ARHGEF40: variants seen among roughly 807,000 people sequenced by gnomAD.
ARHGEF40 encodes the protein Rho guanine nucleotide exchange factor 40.
ARHGEF40 carries 98 observed loss-of-function variants against 165.9 expected under a neutral mutation model. The observed-to-expected ratio is 0.59, with a 90% CI of 0.50 to 0.70. The LOEUF (loss-of-function observed/expected upper bound fraction) is 0.70, where lower values mean the gene tolerates loss of function less well. Among genes scored for constraint, ARHGEF40 ranks in the 30% least tolerant of loss-of-function variants. The probability of loss-of-function intolerance (pLI) is 0.00; values close to 1 mark genes in which losing one functional copy is unlikely to be tolerated. For missense variants in ARHGEF40, 1,815 were observed against 1,968.0 expected, an observed-to-expected ratio of 0.92 and a Z score of 1.47; for synonymous variants, 792 against 814.3, an observed-to-expected ratio of 0.97 and a Z score of 0.47.
chr14:21,075,060 G>T lies in ARHGEF40; in HGVS notation c.1330G>T (p.Glu444Ter). ...TGAAGGCTCAGGGAAGCCAGAATCT[G>T]AGCCAAAAGAGCTCAAAACAGCAGG... ...EYEGSGKPES[E>*]PKELKTAGEK... Residue 444 changes from glutamate to a stop codon, truncating the protein, a stop_gained, in exon 3 of 24, where the codon GAG becomes TAG. Transcript: ENST00000298694. LOFTEE classifies it high-confidence loss of function. This position sits in a 1 kb window ranked among gnomAD's most constrained non-coding sequence, Gnocchi z 4.5. 1 of 1,614,114 alleles carries T rather than the reference G, an allele frequency of 6.2e-7. No homozygotes were observed. Among genetic ancestry groups the T allele is most frequent in the African/African-American group, 1.3e-5 (1 of 75,060 alleles).
chr14:21,076,292 C>G, intron 5 of ARHGEF40, 68 bp from the exon 6 acceptor site: 1 of 1,307,560 alleles, frequency 7.6e-7, no homozygotes, highest in East Asian at 2.4e-5. Context: ...CGTATGTCTG[C>G]CTTGCCTTAT....
At chr14:21,082,167 G>T in intron 14 of ARHGEF40, 48 bp downstream of exon 14, 1 of 1,563,746 alleles carries the variant, frequency 6.4e-7, no homozygotes. Context: ...CAACTGCCCA[G>T]TAGGAAAAGA....
chr14:21,088,993 C>G (rs192765233), intron 23 of ARHGEF40, 21 bp from the exon 24 acceptor site: 12 of 1,004,334 alleles, frequency 1.2e-5, no homozygotes, highest in Non-Finnish European at 1.8e-5. Context: ...ACTCATCTCC[C>G]TCTTCTCTCC....
Position 21,083,966 on chromosome 14 carries a change from C to G in ARHGEF40, c.3705C>G (p.Ala1235=). 6.2e-7 allele frequency: 1 copy of G among 1,613,794 alleles called. No individual in the cohort carries two copies. Among genetic ancestry groups the G allele is most frequent in the Non-Finnish European group, 8.5e-7 (1 of 1,179,954 alleles). ...CTGAGCTCAGTTCTGAGTGCCGGGCCCTTGGGGCTGCTGTACAGCTGCTCC... is the reference window on the plus strand; with the variant it reads ...CTGAGCTCAGTTCTGAGTGCCGGGCGCTTGGGGCTGCTGTACAGCTGCTCC... ...AGPELSSECR[A]LGAAVQLLRE... The change falls in exon 17 of 24, where the codon GCC becomes GCG. Residue 1235 remains alanine, a synonymous_variant. Coordinates refer to ENST00000298694, the MANE Select transcript of ARHGEF40 (RefSeq NM_018071.5).
At chr14:21,069,696 G>T (rs1315132949), upstream of ARHGEF40, among the ~76,000 whole-genome samples, 2 of 152,240 alleles carry the variant, frequency 1.3e-5, no homozygotes, top group East Asian at 3.9e-4. Context: ...CCGAGGAGAT[G>T]GAGGGAAAGG....
At position 21,075,822 on chromosome 14, in the gene ARHGEF40, C is replaced by G; in HGVS notation, c.1739+57C>G. On this transcript the variant is annotated intron_variant, in intron 5 of 23. Coordinates refer to ENST00000298694, the MANE Select transcript of ARHGEF40 (RefSeq NM_018071.5). The surrounding 1 kb of genome is among the most constrained non-coding windows in gnomAD (Gnocchi z 4.5). ...ACTAACCTCCTGATTCATGAGGACC[C>G]TCACCTCCTTCTTCTCAGGACACTG... The G allele has an allele frequency of 1.3e-6, 2 of 1,577,088 alleles. No homozygotes were observed. Among genetic ancestry groups the G allele is most frequent in the Non-Finnish European group, 1.7e-6 (2 of 1,158,216 alleles).
At position 21,074,548 on chromosome 14, in the gene ARHGEF40, C is replaced by G. The variant is rs779610390; in HGVS notation, c.818C>G (p.Thr273Ser). The change falls in exon 3 of 24, where the codon ACC (threonine) becomes AGC (serine). Residue 273 changes from threonine (T) to serine (S), a missense_variant. By Grantham distance (58) the Thr-to-Ser change is moderately conservative. Transcript: ENST00000298694. The surrounding 1 kb of genome is among the most constrained non-coding windows in gnomAD (Gnocchi z 4.8). Reference sequence around the variant, plus strand: ...CTCTCCAGAGTCCGGACGGTACCCACCCGCAAGGGCGCTGGAGGGAAGGGC... The same window carrying G: ...CTCTCCAGAGTCCGGACGGTACCCAGCCGCAAGGGCGCTGGAGGGAAGGGC... ...PGLSRVRTVP[T>S]RKGAGGKGRH... is the part of the protein sequence containing the mutation. The G allele has an allele frequency of 1.9e-6, 3 of 1,551,362 alleles. No homozygotes were observed. Among genetic ancestry groups the G allele is most frequent in the Middle Eastern group, 1.7e-4 (1 of 5,790 alleles).
upstream of ARHGEF40, among the ~76,000 whole-genome samples, chr14:21,066,683 C>T (rs570415912): frequency 5.9e-4 from 90 of 152,280 alleles, 1 homozygote; most frequent in African/African-American, 1.8e-3. Context: ...CAGAGAATGG[C>T]TTATCAGAAG....
chr14:21,081,847 G>C lies in ARHGEF40; in HGVS notation c.2979G>C (p.Leu993=), dbSNP rs754078093. Residue 993 remains leucine (L), a synonymous_variant, in exon 14 of 24, where the codon CTG becomes CTC. Transcript: ENST00000298694. ...CCTCGCCCAGCCTCAGCTCCTTGCT[G>C]CTCCCCAGCAGCCCTGGGCCACGGC... ...RSPSPSLSSL[L]LPSSPGPRPA... is the part of the protein sequence containing the mutation. The C allele has an allele frequency of 6.2e-6, 10 of 1,611,336 alleles. No homozygotes were observed. The highest frequency in any genetic ancestry group is 2.7e-5 in the African/African-American group (2 of 74,900).
At chr14:21,079,234 T>A (rs977078980) in intron 11 of ARHGEF40, among the ~76,000 whole-genome samples, 1 of 152,182 alleles carries the variant, frequency 6.6e-6, no homozygotes, top group African/African-American at 2.4e-5. Flanking sequence ...TGTTTACACT[T>A]GATCGAAAAT....
chr14:21,078,183 G>C lies in ARHGEF40; in HGVS notation c.2041G>C (p.Val681Leu), dbSNP rs770693488. Reference sequence around the variant, plus strand: ...CCCTGCATGTGGGTTTCAGGAAGTGGTAAGGCTATGTCGCCTGTGCCAAGG... The same window carrying C: ...CCCTGCATGTGGGTTTCAGGAAGTGCTAAGGCTATGTCGCCTGTGCCAAGG... ...SHWVEIHQEV[V>L]RLCRLCQGVL... The change falls in exon 9 of 24, where the codon GTA becomes CTA. Residue 681 changes from valine to leucine, a missense_variant. Val to Leu is a conservative substitution (Grantham distance 32). Transcript: ENST00000298694. 2.5e-6 allele frequency: 4 copies of C among 1,612,636 alleles called. No homozygotes were observed. The Admixed American group carries it at 6.7e-5, about 27-fold the overall frequency.
intron 11 of ARHGEF40, among the ~76,000 whole-genome samples, chr14:21,079,628 T>G (rs1012970662): frequency 6.6e-6 from 1 of 152,144 alleles, no homozygotes; most frequent in Non-Finnish European, 1.5e-5. Context: ...ATCTGATTGT[T>G]CCTCCTTAGC....
upstream of ARHGEF40, among the ~76,000 whole-genome samples, chr14:21,069,688 G>A (rs575735282): frequency 2.0e-5 from 3 of 152,346 alleles, no homozygotes; most frequent in East Asian, 3.9e-4. Flanking sequence ...TTCCAGGCCC[G>A]AGGAGATGGA....
chr14:21,066,616 G>A (rs1886283586), upstream of ARHGEF40, among the ~76,000 whole-genome samples: 1 of 152,198 alleles, frequency 6.6e-6, no homozygotes, highest in Admixed American at 6.5e-5. Context: ...TTACAGGCAT[G>A]AGCCACCGTG....
At chr14:21,087,267 C>G (rs1022343440) in intron 20 of ARHGEF40, 53 bp from the exon 21 acceptor site, 3 of 1,589,514 alleles carry the variant, frequency 1.9e-6, no homozygotes, top group Non-Finnish European at 2.6e-6. Flanking sequence ...TCCAGGGAGC[C>G]AAGAGGGCTT....
In ARHGEF40 at chr14:21,078,168, G is replaced by T; in HGVS notation, c.2035-9G>T. 6.2e-7 allele frequency: 1 copy of T among 1,608,930 alleles called. No homozygotes were observed. The highest frequency in any genetic ancestry group is 8.5e-7 in the Non-Finnish European group (1 of 1,177,558). ...GATCCTCAACTCCATCCCTGCATGT[G>T]GGTTTCAGGAAGTGGTAAGGCTATG... On this transcript the variant is annotated splice_polypyrimidine_tract_variant and intron_variant, in intron 8 of 23. Transcript: ENST00000298694.
intron 18 of ARHGEF40, among the ~76,000 whole-genome samples, chr14:21,085,249 A>G (rs1888244864): frequency 6.6e-6 from 1 of 152,166 alleles, no homozygotes; most frequent in Admixed American, 6.5e-5. Context: ...AAAGCACACT[A>G]TACTTTGACT....
chr14:21,081,386 C>A, intron 13 of ARHGEF40, 123 bp from the exon 14 acceptor site: 1 of 1,362,680 alleles, frequency 7.3e-7, no homozygotes, highest in Non-Finnish European at 1.0e-6. Flanking sequence ...AGTGAGAAAA[C>A]AGGAGAGTGA....
chr14:21,067,186 G>T (rs559983209), upstream of ARHGEF40, among the ~76,000 whole-genome samples: 1 of 152,050 alleles, frequency 6.6e-6, no homozygotes, highest in African/African-American at 2.4e-5. Flanking sequence ...ACCTTCCCCC[G>T]TATTAGGATA....
Sources: gnomAD v4.1 joint callset for allele counts (sites outside exome capture counted in the v4.1 genomes callset) on GRCh38, gnomAD v4.1.1 for gene constraint, Gnocchi (gnomAD v3.1) non-coding constraint, MANE v1.5 for transcripts, NCBI Gene and HGNC (gene_info 2026-07-23, HGNC 2026-07-21) for gene names.